Variants in USP30 observed in about 807,000 individuals in gnomAD.
USP30 encodes the protein ubiquitin specific peptidase 30.
Under a neutral mutation model 68.2 loss-of-function variants are expected in USP30, and 41 were observed. That is an observed-to-expected ratio of 0.60 (90% CI 0.47 to 0.78). USP30 has a LOEUF of 0.78. Among genes scored for constraint, USP30 ranks in the 30% least tolerant of loss-of-function variants. USP30 has a pLI of 0.00. For missense variants in USP30, 522 were observed against 649.4 expected (o/e 0.80, Z 2.13); for synonymous variants, 229 against 253.7 (o/e 0.90, Z 0.93).
At position 109,032,295 on chromosome 12, in the gene USP30, C is replaced by G. The variant is rs113983781; in HGVS notation, c.-136+4739C>G. On this transcript the variant is annotated intron_variant, in intron 3 of 15. Transcript: ENST00000392784. Reference sequence around the variant, plus strand: ...CTCCAGCCTGGGAGATAGAATGATACTGTCTAAAAAACAAAATAAATGCTC... The same window carrying G: ...CTCCAGCCTGGGAGATAGAATGATAGTGTCTAAAAAACAAAATAAATGCTC... Among the ~76,000 whole-genome samples the G allele has an allele frequency of 3.7e-3, 570 of 152,122 alleles. 6 individuals carry two copies. The highest frequency in any genetic ancestry group is 0.013 in the African/African-American group (544 of 41,518).
Position 109,083,055 on chromosome 12 carries a change from C to A in USP30, c.1161C>A (p.Pro387=). Reference sequence around the variant, plus strand: ...AGCTGCAGGATGGGCCGGGAGCCCCCACACCAGGTGTGTGCGCGCGAGGAG... The same window carrying A: ...AGCTGCAGGATGGGCCGGGAGCCCCAACACCAGGTGTGTGCGCGCGAGGAG... ...TLELQDGPGA[P]TPVLNQPGAP... is the part of the protein sequence containing the mutation. The change falls in exon 11 of 13, where the codon CCC becomes CCA. Residue 387 remains proline (P), a synonymous_variant. Coordinates refer to ENST00000257548, the MANE Select transcript of USP30 (RefSeq NM_032663.5). The A allele has an allele frequency of 6.2e-7, 1 of 1,609,224 alleles. No individual in the cohort carries two copies. Among genetic ancestry groups the A allele is most frequent in the Admixed American group, 1.7e-5 (1 of 59,290 alleles).
In USP30 at chr12:109,073,543, T is replaced by C. The variant is rs1289400462; in HGVS notation, c.720+11T>C. 6.3e-7 allele frequency: 1 copy of C among 1,598,806 alleles called. No individual in the cohort carries two copies. Among genetic ancestry groups the C allele is most frequent in the Non-Finnish European group, 8.6e-7 (1 of 1,166,282 alleles). On this transcript the variant is annotated intron_variant, in intron 7 of 12. Transcript: ENST00000257548. ...CACTGTGAACACCAGGTAAATACAA[T>C]ACCAACACTTGATATTTCCGGGAGA...
At chr12:109,065,323 T>G (rs190582128) in intron 3 of USP30, among the ~76,000 whole-genome samples, 1 of 152,214 alleles carries the variant, frequency 6.6e-6, no homozygotes, top group Non-Finnish European at 1.5e-5. Flanking sequence ...ATGGGCCAAA[T>G]CCAGCCCACC....
At chr12:109,059,124 GC>G (rs1275828743) in intron 3 of USP30, among the ~76,000 whole-genome samples, 3 of 152,178 alleles carry the variant, frequency 2.0e-5, no homozygotes, top group East Asian at 3.8e-4. Context: ...CTGAATGGTA[GC>G]CCCCAACTTG....
At chr12:109,043,476 G>A (rs1234884558) in intron 3 of USP30, among the ~76,000 whole-genome samples, 2 of 152,160 alleles carry the variant, frequency 1.3e-5, no homozygotes, top group Non-Finnish European at 2.9e-5. Flanking sequence ...CGATTGAATG[G>A]GAAAAGGACA....
chr12:109,066,673 C>T (rs764315539), intron 3 of USP30, among the ~76,000 whole-genome samples: 11 of 151,978 alleles, frequency 7.2e-5, no homozygotes, highest in Non-Finnish European at 1.2e-4. Context: ...CGACAGAGCA[C>T]GACTCTGTTT....
chr12:109,056,066 G>C (rs2040867176), intron 1 of USP30, among the ~76,000 whole-genome samples: 2 of 152,290 alleles, frequency 1.3e-5, no homozygotes, highest in South Asian at 4.1e-4. Flanking sequence ...CAGAGCATTG[G>C]CTGGTAACGT....
At chr12:109,079,005 C>T (rs1405128050) in intron 7 of USP30, among the ~76,000 whole-genome samples, 1 of 152,146 alleles carries the variant, frequency 6.6e-6, no homozygotes, top group African/African-American at 2.4e-5. Flanking sequence ...CTTCTGCTTA[C>T]ACTGCTTACA....
chr12:109,026,586 A>C (rs1593217252), intron 2 of USP30, among the ~76,000 whole-genome samples: 2 of 151,694 alleles, frequency 1.3e-5, no homozygotes, highest in East Asian at 3.9e-4. Flanking sequence ...CAGCCTCCTG[A>C]GTAGCTTCCT....
chr12:109,081,740 T>C (rs2041809569), intron 8 of USP30, 193 bp from the exon 9 acceptor site: 1 of 628,054 alleles, frequency 1.6e-6, no homozygotes, highest in Non-Finnish European at 2.8e-6. Flanking sequence ...CCTCATGCTC[T>C]AGAATCTGTC....
At chr12:109,080,051 A>G (rs371479492) in intron 7 of USP30, among the ~76,000 whole-genome samples, 47 of 152,252 alleles carry the variant, frequency 3.1e-4, no homozygotes, top group African/African-American at 1.1e-3. Context: ...TGGGCAGCAA[A>G]ATCTCTGCTC....
Position 109,086,525 on chromosome 12 carries a change from T to C in USP30, c.*594T>C, listed in dbSNP as rs1309510265. 1 of 152,652 alleles carries C rather than the reference T, an allele frequency of 6.6e-6. No homozygotes were observed. The highest frequency in any genetic ancestry group is 1.5e-5 in the Non-Finnish European group (1 of 68,394). The allele number at this position is 152,652 out of a possible 1,614,324, so 9.5% of individuals were successfully genotyped here. A position where few individuals can be genotyped will look rare whatever the true frequency, so the allele number is the denominator to read the frequency against. ...TATGCCTTTTCTAATCTTTCAATTC[T>C]TTCTATGGAGTAAAGGCTCATCTGC... is the stretch of plus-strand genomic sequence containing the variant. On this transcript the variant is annotated 3_prime_UTR_variant, in exon 13 of 13. Coordinates refer to ENST00000257548, the MANE Select transcript of USP30 (RefSeq NM_032663.5).
upstream of USP30, among the ~76,000 whole-genome samples, chr12:109,050,514 AGGTAT>A (rs2040650144): frequency 6.6e-6 from 1 of 152,154 alleles, no homozygotes; most frequent in African/African-American, 2.4e-5. Flanking sequence ...TTGGGGCTAC[AGGTAT>A]GCGACACCAC....
In USP30 at chr12:109,079,339, C is replaced by CTTTTTTTTTTCTTTTTTTTTTT. The variant is rs2041713719; in HGVS notation, c.721-1985_721-1984insCTTTTTTTTTTTTTTTTTTTTT. On this transcript the variant is annotated intron_variant, in intron 7 of 12. Transcript: ENST00000257548. ...TTTTCTCTTTTTTTCTTTTCTTTTT[C>CTTTTTTTTTTCTTTTTTTTTTT]TTTTTTTTTTTCTTTTTTTTTTTTT... Among the ~76,000 whole-genome samples, 157 of 62,236 alleles carry CTTTTTTTTTTCTTTTTTTTTTT rather than the reference C, an allele frequency of 2.5e-3. 4 individuals are homozygous for CTTTTTTTTTTCTTTTTTTTTTT. Among genetic ancestry groups the CTTTTTTTTTTCTTTTTTTTTTT allele is most frequent in the Non-Finnish European group, 3.3e-3 (117 of 35,186 alleles). The allele number at this position is 62,236 out of a possible 152,430, so 40.8% of individuals were successfully genotyped here. A position where few individuals can be genotyped will look rare whatever the true frequency, so the allele number is the denominator to read the frequency against.
In USP30 at chr12:109,023,990, A is replaced by G. The variant is rs202144827; in HGVS notation, c.-497-813A>G. ...CAAGTCAAGTTCCTTCAAAGGAAAA[A>G]GGGAGTTTGCAGCCTGGAACTGGAG... On this transcript the variant is annotated intron_variant, in intron 1 of 15. Coordinates refer to the USP30 transcript ENST00000392784. Among the ~76,000 whole-genome samples, 5 of 152,096 alleles carry G rather than the reference A, an allele frequency of 3.3e-5. No homozygotes were observed. In the East Asian group the frequency reaches 9.7e-4, roughly 30 times the overall value.
intron 7 of USP30, among the ~76,000 whole-genome samples, chr12:109,077,051 G>A (rs2041633039): frequency 6.6e-6 from 1 of 152,068 alleles, no homozygotes; most frequent in African/African-American, 2.4e-5. Flanking sequence ...TTTTTCTAAT[G>A]TTAAACCAAC....
At chr12:109,071,975 A>G (rs1222116481) in intron 5 of USP30, among the ~76,000 whole-genome samples, 1 of 152,216 alleles carries the variant, frequency 6.6e-6, no homozygotes, top group Non-Finnish European at 1.5e-5. Flanking sequence ...CCTGTTTAAT[A>G]CAGGGGAACA....
chr12:109,056,007 G>A (rs1593242382), intron 1 of USP30, among the ~76,000 whole-genome samples: 1 of 152,088 alleles, frequency 6.6e-6, no homozygotes, highest in South Asian at 2.1e-4. Context: ...AGTGATCTGG[G>A]GGAAGAGCAT....
intron 3 of USP30, among the ~76,000 whole-genome samples, chr12:109,038,229 C>T (rs1385489820): frequency 1.5e-5 from 2 of 136,392 alleles, no homozygotes; most frequent in Non-Finnish European, 3.1e-5. Flanking sequence ...CTGCCAGTTT[C>T]CATGTGTTCT....
Sources: gnomAD v4.1 joint callset for allele counts (sites outside exome capture counted in the v4.1 genomes callset) on GRCh38, gnomAD v4.1.1 for gene constraint, MANE v1.5 for transcripts, NCBI Gene and HGNC (gene_info 2026-07-23, HGNC 2026-07-21) for gene names.